NCOR1: variants seen among roughly 807,000 people sequenced by gnomAD.
The protein encoded by NCOR1 is protein phosphatase 1, regulatory subunit 109.
A neutral mutation model predicts 288.1 loss-of-function variants in NCOR1; 63 were observed. That is an observed-to-expected ratio of 0.22 (90% confidence interval 0.18 to 0.27). NCOR1 has a LOEUF of 0.27. Among genes scored for constraint, NCOR1 ranks in the 10% least tolerant of loss-of-function variants. NCOR1 has a pLI of 1.00. For synonymous variants in NCOR1, 1,007 were observed against 1,065.9 expected (o/e 0.94, Z 1.08); for missense variants, 2,397 against 3,019.2 (o/e 0.79, Z 4.83).
chr17:16,041,116 C>T (rs2057479526), intron 42 of NCOR1: 1 of 152,286 alleles, frequency 6.6e-6, no homozygotes. Context: ...CTGTGTTTCC[C>T]TGCATGGCTA....
chr17:16,047,122 A>T, intron 41 of NCOR1, 29 bp from the exon 42 acceptor site: 2 of 1,592,892 alleles, frequency 1.3e-6, no homozygotes, highest in Non-Finnish European at 1.7e-6. Flanking sequence ...AGTATATTAC[A>T]ACCACGTACT....
At chr17:16,138,244 C>G (rs556327087) in intron 12 of NCOR1, 32 bp from the exon 13 acceptor site, 2 of 1,562,466 alleles carry the variant, frequency 1.3e-6, no homozygotes, top group Non-Finnish European at 8.7e-7. Flanking sequence ...AACACACTTG[C>G]GTACAAATAT....
At chr17:16,039,161 T>C (rs1193000255) in intron 44 of NCOR1, 2 of 408,878 alleles carry the variant, frequency 4.9e-6, no homozygotes, top group East Asian at 4.4e-5. Flanking sequence ...CAATGCAGTA[T>C]GTATAGATGA....
intron 42 of NCOR1, 43 bp from the exon 43 acceptor site, chr17:16,040,537 C>T (rs982801959): frequency 5.2e-6 from 8 of 1,532,074 alleles, no homozygotes; most frequent in Non-Finnish European, 7.2e-6. Flanking sequence ...ATGTGATAAT[C>T]ATATATACCA....
In NCOR1 at chr17:16,109,243, A is replaced by AAT. The variant is rs535907006; in HGVS notation, c.2056-333_2056-332dup. ...CCAGATAATGTTATCTAATAAAAAC[A>AAT]ATATATATATATTTTTTCTAAAGAT... On this transcript the variant is annotated intron_variant, in intron 18 of 45. Transcript: ENST00000268712. Among the ~76,000 whole-genome samples the AAT allele has an allele frequency of 7.4e-4, 112 of 151,954 alleles. No individual in the cohort carries two copies. The South Asian group carries it at 0.01, about 14-fold the overall frequency.
chr17:16,157,938 A>G (rs1424794642), intron 6 of NCOR1, among the ~76,000 whole-genome samples: 2 of 152,100 alleles, frequency 1.3e-5, no homozygotes, highest in African/African-American at 4.8e-5. Flanking sequence ...CTAAAAAAGC[A>G]AAGTCTACCT....
At chr17:16,120,237 C>T (rs1351361339) in intron 16 of NCOR1, among the ~76,000 whole-genome samples, 3 of 152,094 alleles carry the variant, frequency 2.0e-5, no homozygotes, top group Non-Finnish European at 4.4e-5. Context: ...CTGCCTCCAG[C>T]CTTTATTCTG....
Position 16,071,466 on chromosome 17 carries a change from C to T in NCOR1, c.4095G>A (p.Arg1365=), listed in dbSNP as rs1468993410. 6.2e-7 allele frequency: 1 copy of T among 1,614,170 alleles called. No individual in the cohort carries two copies. Among genetic ancestry groups the T allele is most frequent in the Non-Finnish European group, 8.5e-7 (1 of 1,180,026 alleles). The change falls in exon 30 of 46, where the codon CGG becomes CGA. Residue 1365 remains arginine (R), a synonymous_variant. Coordinates refer to ENST00000268712, the MANE Select transcript of NCOR1 (RefSeq NM_006311.4). ...PRQDILTQES[R]KTPEVVQSTR... The stretch of plus-strand genomic sequence containing the variant: ...TGCTCTGGACCACTTCTGGAGTTTT[C>T]CGACTTTCCTGAGTTAAAATATCTT...
chr17:16,080,095 C>A, intron 25 of NCOR1, 31 bp from the exon 26 acceptor site: 1 of 1,572,164 alleles, frequency 6.4e-7, no homozygotes. Context: ...TAGCAAATTA[C>A]ACCCCCAGCC....
At chr17:16,043,433 A>G (rs1350535697) in intron 42 of NCOR1, among the ~76,000 whole-genome samples, 1 of 152,236 alleles carries the variant, frequency 6.6e-6, no homozygotes, top group East Asian at 1.9e-4. Flanking sequence ...CTCTAAAGCA[A>G]TTCTGTTAGT....
intron 22 of NCOR1, among the ~76,000 whole-genome samples, chr17:16,088,024 A>G (rs986170116): frequency 7.2e-5 from 11 of 152,196 alleles, no homozygotes; most frequent in Non-Finnish European, 1.6e-4. Flanking sequence ...AAATCAAAAA[A>G]GCACAAAGTA....
intron 18 of NCOR1, among the ~76,000 whole-genome samples, chr17:16,113,590 C>T (rs2070814995): frequency 6.6e-6 from 1 of 151,942 alleles, no homozygotes; most frequent in Non-Finnish European, 1.5e-5. Context: ...ACCCTTCATA[C>T]TCTGTTAAAA....
chr17:16,112,145 A>C (rs2070381545), intron 18 of NCOR1, among the ~76,000 whole-genome samples: 1 of 152,186 alleles, frequency 6.6e-6, no homozygotes, highest in Non-Finnish European at 1.5e-5. Context: ...CTGAGATTAC[A>C]GGCGTGAGTC....
chr17:16,075,451 A>G (rs749108946), intron 27 of NCOR1, 83 bp downstream of exon 27: 1 of 1,451,004 alleles, frequency 6.9e-7, no homozygotes, highest in Non-Finnish European at 9.5e-7. Flanking sequence ...TGACTCCCAG[A>G]GAGCAGAAAT....
intron 16 of NCOR1, among the ~76,000 whole-genome samples, chr17:16,120,053 T>G (rs1256525162): frequency 2.0e-5 from 3 of 152,148 alleles, no homozygotes; most frequent in Non-Finnish European, 2.9e-5. Flanking sequence ...CATATTCCCT[T>G]TCTCAATTTA....
In NCOR1 at chr17:16,182,953, T is replaced by G. The variant is rs138641135; in HGVS notation, c.242+3601A>C. ...AAACAAAACACGTCATCTTAACTGA[T>G]GCAGAAAAAGCATTCAAAAAGTCCA... On this transcript the variant is annotated intron_variant, in intron 3 of 45. Transcript: ENST00000268712. Among the ~76,000 whole-genome samples the G allele has an allele frequency of 5.4e-3, 816 of 152,184 alleles. 5 individuals are homozygous for G. Among genetic ancestry groups the G allele is most frequent in the African/African-American group, 0.019 (773 of 41,526 alleles).
intron 8 of NCOR1, among the ~76,000 whole-genome samples, chr17:16,150,282 C>G (rs999435581): frequency 6.6e-6 from 1 of 151,828 alleles, no homozygotes; most frequent in Non-Finnish European, 1.5e-5. Context: ...TAAGTATGGA[C>G]AAGCAGGAGC....
At chr17:16,154,159 TG>T (rs1280481527) in intron 6 of NCOR1, among the ~76,000 whole-genome samples, 3 of 151,970 alleles carry the variant, frequency 2.0e-5, no homozygotes, top group Admixed American at 1.3e-4. Flanking sequence ...CCCAAAGCTC[TG>T]GGATTACAGG....
chr17:16,145,455 G>A (rs1325040298), intron 10 of NCOR1, among the ~76,000 whole-genome samples: 6 of 132,976 alleles, frequency 4.5e-5, no homozygotes, highest in East Asian at 3.9e-4. Context: ...GATGTGGGGA[G>A]TGCCTCGGCC....
Sources: gnomAD v4.1 joint callset for allele counts (sites outside exome capture counted in the v4.1 genomes callset) on GRCh38, gnomAD v4.1.1 for gene constraint, MANE v1.5 for transcripts, NCBI Gene and HGNC (gene_info 2026-07-23, HGNC 2026-07-21) for gene names.